The following AKR1C8 variants were observed in gnomAD, a reference collection of about 807,000 sequenced individuals.
AKR1C8 encodes the protein aldo-keto reductase family 1 member C-like protein 1.
chr10:5,184,251 G>GC, the AKR1C8 span, among the ~76,000 whole-genome samples: 1 of 151,984 alleles, frequency 6.6e-6, no homozygotes, highest in South Asian at 2.1e-4. Context: ...ATCCATCCAG[G>GC]CCCCCTCTCT....
chr10:5,144,265 T>C, the AKR1C8 span, among the ~76,000 whole-genome samples: 2 of 152,154 alleles, frequency 1.3e-5, no homozygotes, highest in Non-Finnish European at 2.9e-5. Context: ...CATGCTGTTT[T>C]GGTTACTGTA....
chr10:5,115,840 A>G, the AKR1C8 span, among the ~76,000 whole-genome samples: 1 of 152,196 alleles, frequency 6.6e-6, no homozygotes, highest in Non-Finnish European at 1.5e-5. Context: ...AAGTATATAC[A>G]TGCACAAATA....
the AKR1C8 span, among the ~76,000 whole-genome samples, chr10:5,126,338 T>G: frequency 0.64 from 97,736 of 151,906 alleles, 32,275 homozygotes; most frequent in African/African-American, 0.7. Context: ...TCCCTACTTG[T>G]AACATCAACA....
the AKR1C8 span, among the ~76,000 whole-genome samples, chr10:5,176,914 T>C: frequency 6.6e-6 from 1 of 152,192 alleles, no homozygotes; most frequent in African/African-American, 2.4e-5. Context: ...TAGAATCATG[T>C]CGTCTGCAAA....
At chr10:5,127,930 G>A in the AKR1C8 span, among the ~76,000 whole-genome samples, 1,095 of 152,084 alleles carry the variant, frequency 7.2e-3, 14 homozygotes, top group African/African-American at 0.025. Flanking sequence ...GAAGCTCAAA[G>A]TACTCCTTGG....
the AKR1C8 span, among the ~76,000 whole-genome samples, chr10:5,174,549 A>C: frequency 3.9e-5 from 6 of 152,070 alleles, no homozygotes; most frequent in Middle Eastern, 3.2e-3. Flanking sequence ...TTCACAATTA[A>C]TAAGACCTGA....
chr10:5,176,449 T>C, the AKR1C8 span, among the ~76,000 whole-genome samples: 1 of 149,002 alleles, frequency 6.7e-6, no homozygotes, highest in Admixed American at 6.7e-5. Flanking sequence ...TAGGATTGAC[T>C]TGTTGATGCA....
chr10:5,123,452 C>A, the AKR1C8 span: 1 of 446,042 alleles, frequency 2.2e-6, no homozygotes, highest in Non-Finnish European at 4.2e-6. Context: ...GGAAGGAAAC[C>A]CAGAAATGCT....
chr10:5,175,687 A>T, the AKR1C8 span, among the ~76,000 whole-genome samples: 6 of 152,170 alleles, frequency 3.9e-5, no homozygotes. Flanking sequence ...GTGAGATGGT[A>T]TCTCATCATG....
the AKR1C8 span, among the ~76,000 whole-genome samples, chr10:5,126,811 G>C: frequency 0.062 from 9,367 of 151,896 alleles, 335 homozygotes; most frequent in Middle Eastern, 0.082. Context: ...ATGATACAAA[G>C]ACTCTCTATA....
chr10:5,120,155 T>C, the AKR1C8 span, among the ~76,000 whole-genome samples: 3 of 152,200 alleles, frequency 2.0e-5, no homozygotes, highest in Non-Finnish European at 2.9e-5. Flanking sequence ...ATCTGTGCCT[T>C]ATGGACATGT....
chr10:5,127,716 C>T, the AKR1C8 span, among the ~76,000 whole-genome samples: 1 of 72,798 alleles, frequency 1.4e-5, no homozygotes, highest in African/African-American at 6.1e-5. Flanking sequence ...CAAAGCAAGA[C>T]TCTGTCAAAA....
chr10:5,171,014 G>A, the AKR1C8 span, among the ~76,000 whole-genome samples: 2 of 152,074 alleles, frequency 1.3e-5, no homozygotes, highest in Admixed American at 6.6e-5. Flanking sequence ...AAAGCAAAAC[G>A]AAGGATTACA....
chr10:5,119,885 G>T, the AKR1C8 span, among the ~76,000 whole-genome samples: 2 of 152,160 alleles, frequency 1.3e-5, no homozygotes, highest in Non-Finnish European at 1.5e-5. Flanking sequence ...TACAGTGAGG[G>T]TTTGCTAGCA....
chr10:5,118,626 A>G, the AKR1C8 span, among the ~76,000 whole-genome samples: 1 of 152,150 alleles, frequency 6.6e-6, no homozygotes, highest in Non-Finnish European at 1.5e-5. Context: ...AAGAGGATTG[A>G]CATATAAGAG....
the AKR1C8 span, among the ~76,000 whole-genome samples, chr10:5,142,402 C>T: frequency 1.3e-5 from 2 of 152,132 alleles, no homozygotes; most frequent in Non-Finnish European, 2.9e-5. Context: ...CCTTTGTATT[C>T]ACAACTTGGC....
At chr10:5,184,735 G>T in the AKR1C8 span, among the ~76,000 whole-genome samples, 1 of 152,296 alleles carries the variant, frequency 6.6e-6, no homozygotes, top group Admixed American at 6.5e-5. Context: ...GAAAGCATTT[G>T]ATATATTAGG....
chr10:5,123,547 G>C, the AKR1C8 span: 2 of 646,020 alleles, frequency 3.1e-6, no homozygotes, highest in Non-Finnish European at 5.3e-6. Context: ...TCTCAAGTGA[G>C]GCCCCTGAAT....
chr10:5,133,089 CTAT>C, the AKR1C8 span, among the ~76,000 whole-genome samples: 1 of 151,926 alleles, frequency 6.6e-6, no homozygotes, highest in Admixed American at 6.6e-5. Context: ...TTTATTATTA[CTAT>C]TATTATTTGA....
Sources: gnomAD v4.1 joint callset for allele counts (sites outside exome capture counted in the v4.1 genomes callset) on GRCh38, gnomAD v4.1.1 for gene constraint, MANE v1.5 for transcripts, NCBI Gene and HGNC (gene_info 2026-07-23, HGNC 2026-07-21) for gene names.